KIF1A: variants seen among roughly 807,000 people sequenced by gnomAD.
The protein encoded by KIF1A is kinesin-like protein KIF1A.
KIF1A carries 46 observed loss-of-function variants against 227.3 expected under a neutral mutation model. That is an observed-to-expected ratio of 0.20 (90% confidence interval 0.16 to 0.26). KIF1A has a LOEUF of 0.26. KIF1A is among the 10% of genes least tolerant of loss of function. The pLI is 1.00. For synonymous variants in KIF1A, 1,022 were observed against 1,012.8 expected, an observed-to-expected ratio of 1.01 and a Z score of -0.17; for missense variants, 1,683 against 2,485.9, an observed-to-expected ratio of 0.68 and a Z score of 6.87.
intron 10 of KIF1A, chr2:240,781,693 C>T: frequency 2.2e-6 from 2 of 915,684 alleles, no homozygotes; most frequent in Non-Finnish European, 2.6e-6. Context: ...CCCGCAGTCC[C>T]ACGCAGTGTC....
chr2:240,742,949 A>C lies in KIF1A; in HGVS notation c.3620T>G (p.Val1207Gly). Residue 1207 changes from valine to glycine, a missense_variant, in exon 34 of 49, where the codon GTC (valine) becomes GGC (glycine). Physicochemically the swap from Val to Gly is moderately radical, Grantham distance 109. This residue lies in a region of KIF1A where 759 missense variants were observed against 1,020.2 expected (regional missense o/e 0.74). Transcript: ENST00000498729. ...CCTACCTGGCTTGGACAGTGGCATG[A>C]CCCGAGGGAAGTGGCGGCGCGAGGG... ...LRPSRRHFPRVMPLSKPVPAT... is the reference protein window; with the variant it reads ...LRPSRRHFPRGMPLSKPVPAT... 6.2e-7 allele frequency: 1 copy of C among 1,611,600 alleles called. No homozygotes were observed. Among genetic ancestry groups the C allele is most frequent in the Non-Finnish European group, 8.5e-7 (1 of 1,178,876 alleles).
intron 10 of KIF1A, chr2:240,782,098 A>C: frequency 1.0e-6 from 1 of 985,124 alleles, no homozygotes; most frequent in Non-Finnish European, 1.2e-6. Flanking sequence ...GCGGTTCCTC[A>C]CACAGTCCCC....
At chr2:240,776,966 A>G (rs2052815243) in intron 10 of KIF1A, among the ~76,000 whole-genome samples, 2 of 152,262 alleles carry the variant, frequency 1.3e-5, no homozygotes, top group South Asian at 4.1e-4. Context: ...GCTCAGCAGC[A>G]TAACTGACTG....
At chr2:240,729,077 G>GTCA (rs2046334228) in intron 38 of KIF1A, among the ~76,000 whole-genome samples, 1 of 152,136 alleles carries the variant, frequency 6.6e-6, no homozygotes, top group Non-Finnish European at 1.5e-5. Context: ...TCTGGTACAT[G>GTCA]TCATCATCAC....
chr2:240,813,983 G>T (rs1475270218), intron 1 of KIF1A, among the ~76,000 whole-genome samples: 2 of 152,130 alleles, frequency 1.3e-5, no homozygotes, highest in African/African-American at 4.8e-5. Flanking sequence ...GAAACGTGAA[G>T]ATTTTAGAGA....
At chr2:240,806,337 G>A (rs778679427) in intron 1 of KIF1A, among the ~76,000 whole-genome samples, 13 of 152,174 alleles carry the variant, frequency 8.5e-5, no homozygotes, top group Non-Finnish European at 1.6e-4. Context: ...GTCCATTCCT[G>A]GATAATCCAG....
At chr2:240,718,466 T>A (rs2044834619) in intron 47 of KIF1A, among the ~76,000 whole-genome samples, 1 of 152,166 alleles carries the variant, frequency 6.6e-6, no homozygotes, top group Non-Finnish European at 1.5e-5. Context: ...GGTGCAGATG[T>A]GGGTTCACAC....
intron 7 of KIF1A, among the ~76,000 whole-genome samples, chr2:240,784,455 C>T (rs1210854950): frequency 6.6e-6 from 1 of 152,242 alleles, no homozygotes; most frequent in Non-Finnish European, 1.5e-5. Context: ...GTCCCCCAAC[C>T]CACCTCAGCC....
rs1259424198 is a variant in KIF1A, at chr2:240,788,075, C to G, written c.339G>C (p.Lys113Asn). 1 of 1,583,894 alleles carries G rather than the reference C, an allele frequency of 6.3e-7. No individual in the cohort carries two copies. The change falls in exon 4 of 49, where the codon AAG (lysine) becomes AAC (asparagine). Residue 113 changes from lysine to asparagine, a missense_variant. This residue lies in a region of KIF1A where 75 missense variants were observed against 131.2 expected (regional missense o/e 0.57). Coordinates refer to ENST00000498729, the MANE Select transcript of KIF1A (RefSeq NM_001244008.2). This position sits in a 1 kb window ranked among gnomAD's most constrained non-coding sequence, Gnocchi z 6.6. The stretch of plus-strand genomic sequence containing the variant: ...CCTGTGGGATGATGCCCTGCTGGTC[C>G]TTCTCCTGCTTGCCCATCATGGTGT... ...KSYTMMGKQE[K>N]DQQGIIPQLC...
At chr2:240,748,050 A>G (rs185597821) in intron 28 of KIF1A, among the ~76,000 whole-genome samples, 1 of 152,366 alleles carries the variant, frequency 6.6e-6, no homozygotes, top group African/African-American at 2.4e-5. Context: ...AGACAGGGAA[A>G]CAATTAGGTA....
chr2:240,813,918 C>G (rs1253141663), intron 1 of KIF1A, among the ~76,000 whole-genome samples: 1 of 152,080 alleles, frequency 6.6e-6, no homozygotes, highest in Non-Finnish European at 1.5e-5. Flanking sequence ...CCGGGAGATT[C>G]AAGAAGATGC....
intron 41 of KIF1A, 148 bp from the exon 42 acceptor site, chr2:240,723,706 G>T: frequency 1.0e-6 from 1 of 994,468 alleles, no homozygotes. Flanking sequence ...GGGGCCCAAA[G>T]AGCCATGTAG....
rs1260664564 is a variant in KIF1A, at chr2:240,719,166, A to G, written c.5054T>C (p.Phe1685Ser). Residue 1685 changes from phenylalanine (F) to serine (S), a missense_variant, in exon 47 of 49, where the codon TTC becomes TCC. Physicochemically the swap from Phe to Ser is radical, Grantham distance 155 (BLOSUM62 -2). Coordinates refer to ENST00000498729, the MANE Select transcript of KIF1A (RefSeq NM_001244008.2). ...CCAGCCTGACGTGTGCGGCTCCAGG[A>G]AGTGCAGGTACCCCTTCTTGGAAAC... ...PIVSKKGYLH[F>S]LEPHTSGWAR... The G allele has an allele frequency of 6.2e-7, 1 of 1,610,290 alleles. No homozygotes were observed. Among genetic ancestry groups the G allele is most frequent in the Admixed American group, 1.7e-5 (1 of 59,618 alleles).
At chr2:240,755,792 C>T (rs761307464) in intron 27 of KIF1A, among the ~76,000 whole-genome samples, 22 of 152,334 alleles carry the variant, frequency 1.4e-4, no homozygotes, top group African/African-American at 4.8e-4. Context: ...TCCCCCTGTG[C>T]GTCCTGATCC....
rs1462719171 is a variant in KIF1A at position 240,757,542 on chromosome 2, C to G, written c.2635G>C (p.Glu879Gln). The change falls in exon 27 of 49, where the codon GAG (glutamate) becomes CAG (glutamine). Residue 879 changes from glutamate (E) to glutamine (Q), a missense_variant. Glu to Gln is a conservative substitution (Grantham distance 29). This residue lies in a region of KIF1A where 759 missense variants were observed against 1,020.2 expected (regional missense o/e 0.74). Transcript: ENST00000498729. This position sits in a 1 kb window ranked among gnomAD's most constrained non-coding sequence, Gnocchi z 6.2. Reference protein sequence around the residue: ...SYPLLNTCMSERMAALTPSPT... With the variant: ...SYPLLNTCMSQRMAALTPSPT... The stretch of plus-strand genomic sequence containing the variant: ...GAGGGGGTGAGAGCAGCCATGCGCT[C>G]GCTCATGCATGTGTTGAGAAGAGGG... 6 of 1,550,544 alleles carry G rather than the reference C, an allele frequency of 3.9e-6. No homozygotes were observed. The highest frequency in any genetic ancestry group is 5.2e-6 in the Non-Finnish European group (6 of 1,146,996).
chr2:240,805,120 GAGGGA>G (rs2057305319), intron 1 of KIF1A, among the ~76,000 whole-genome samples: 1 of 78,832 alleles, frequency 1.3e-5, no homozygotes, highest in Non-Finnish European at 2.5e-5. Flanking sequence ...AGGGAGAGGG[GAGGGA>G]GGGCGGAGGG....
Position 240,757,428 on chromosome 2 carries a change from C to A in KIF1A, c.2749G>T (p.Glu917Ter). The change falls in exon 27 of 49, where the codon GAG becomes TAG. Residue 917 changes from glutamate (E) to a stop codon, truncating the protein, a stop_gained. Transcript: ENST00000498729. LOFTEE classifies it high-confidence loss of function. This position sits in a 1 kb window ranked among gnomAD's most constrained non-coding sequence, Gnocchi z 6.2. ...GEEEEEEEEE[E>*]DEEEEDLEDD... ...TCCAGGTCCTCCTCCTCCTCATCCT[C>A]CTCCTCCTCCTCCTCCTCCTCCTCC... 1 of 954,740 alleles carries A rather than the reference C, an allele frequency of 1.0e-6. No individual in the cohort carries two copies. Among genetic ancestry groups the A allele is most frequent in the Non-Finnish European group, 1.4e-6 (1 of 692,416 alleles). 59.1% of individuals were successfully genotyped at this position (954,740 alleles called of 1,614,324 possible).
Position 240,778,773 on chromosome 2 carries a change from C to T in KIF1A, c.883-2847G>A, listed in dbSNP as rs867478173. Among the ~76,000 whole-genome samples the T allele has an allele frequency of 4.0e-5, 6 of 151,716 alleles. No homozygotes were observed. The highest frequency in any genetic ancestry group is 2.0e-4 in the Admixed American group (3 of 15,240). On this transcript the variant is annotated intron_variant, in intron 10 of 48. Coordinates refer to ENST00000498729, the MANE Select transcript of KIF1A (RefSeq NM_001244008.2). This position sits in a 1 kb window ranked among gnomAD's most constrained non-coding sequence, Gnocchi z 7.2. The stretch of plus-strand genomic sequence containing the variant: ...CAGCTTTCCTCACGATTCTGCGCAC[C>T]GTTCCACACACGGTTCCTCACCGCT...
chr2:240,786,802 T>TGAGGGGATGGGA (rs2054963698), intron 5 of KIF1A, among the ~76,000 whole-genome samples: 4 of 30,280 alleles, frequency 1.3e-4, no homozygotes, highest in Non-Finnish European at 2.7e-4. Flanking sequence ...GGGTGGGGGC[T>TGAGGGGATGGGA]GCCATCAGGA....
Sources: gnomAD v4.1 joint callset for allele counts (sites outside exome capture counted in the v4.1 genomes callset) on GRCh38, gnomAD v4.1.1 for gene constraint, gnomAD v4.1.1 regional missense constraint, Gnocchi (gnomAD v3.1) non-coding constraint, MANE v1.5 for transcripts, NCBI Gene and HGNC (gene_info 2026-07-23, HGNC 2026-07-21) for gene names.